The following APBB2 variants were observed in gnomAD, a reference collection of about 807,000 sequenced individuals.
The protein encoded by APBB2 is Fe65-like 1.
A neutral mutation model predicts 82.5 loss-of-function variants in APBB2; 38 were observed. The observed-to-expected ratio is 0.46, with a 90% CI of 0.36 to 0.60. APBB2 has a LOEUF of 0.60. Among genes scored for constraint, APBB2 ranks in the 20% least tolerant of loss-of-function variants. The pLI is 0.00. For missense variants in APBB2, 772 were observed against 972.3 expected, an observed-to-expected ratio of 0.79 and a Z score of 2.74; for synonymous variants, 341 against 368.2, an observed-to-expected ratio of 0.93 and a Z score of 0.85.
In APBB2 at chr4:40,830,553, A is replaced by T. The variant is rs749728842; in HGVS notation, c.1554T>A (p.Asp518Glu). ...GACATTTCAAAATTCTTGTATCTTT[A>T]TCTCTTGCTACATAAGCAAAATCCC... Reference protein sequence around the residue: ...NGRDFAYVARDKDTRILKCHV... With the variant: ...NGRDFAYVAREKDTRILKCHV... The change falls in exon 13 of 18, where the codon GAT becomes GAA. Residue 518 changes from aspartate to glutamate, a missense_variant. Coordinates refer to ENST00000508593, the MANE Select transcript of APBB2 (RefSeq NM_004307.2). 6.2e-7 allele frequency: 1 copy of T among 1,613,772 alleles called. No individual in the cohort carries two copies. The highest frequency in any genetic ancestry group is 8.5e-7 in the Non-Finnish European group (1 of 1,179,766).
intron 1 of APBB2, among the ~76,000 whole-genome samples, chr4:41,185,499 T>C (rs181637084): frequency 6.6e-6 from 1 of 152,376 alleles, no homozygotes; most frequent in East Asian, 1.9e-4. Context: ...GACACCTTTA[T>C]GTAATTCTTA....
intron 5 of APBB2, among the ~76,000 whole-genome samples, chr4:41,014,651 C>T (rs1318966654): frequency 6.6e-6 from 1 of 152,154 alleles, no homozygotes; most frequent in Non-Finnish European, 1.5e-5. Context: ...CTAAATTTTA[C>T]TTAAAATAAA....
At chr4:40,982,387 G>GAAAGGAAAGGAAAGGAAAGGA (rs57649213) in intron 6 of APBB2, among the ~76,000 whole-genome samples, 2 of 11,028 alleles carry the variant, frequency 1.8e-4, no homozygotes, top group Admixed American at 1.3e-3. Flanking sequence ...AGGAAGGAAG[G>GAAAGGAAAGGAAAGGAAAGGA]AAGGAAAGGA....
At chr4:40,909,012 G>C (rs1438187590) in intron 10 of APBB2, among the ~76,000 whole-genome samples, 3 of 152,192 alleles carry the variant, frequency 2.0e-5, no homozygotes, top group East Asian at 3.9e-4. Context: ...CTGTTTTCCA[G>C]AGGTGTAGCA....
chr4:41,061,480 C>G (rs545819818), intron 4 of APBB2, among the ~76,000 whole-genome samples: 32 of 152,292 alleles, frequency 2.1e-4, no homozygotes, highest in African/African-American at 6.3e-4. Context: ...TGTTACTGTA[C>G]TGAATACCGC....
chr4:40,854,431 CTCT>C (rs1236764345), intron 12 of APBB2, among the ~76,000 whole-genome samples: 29 of 152,200 alleles, frequency 1.9e-4, no homozygotes, highest in Non-Finnish European at 4.4e-5. Context: ...GTTAAGTCAT[CTCT>C]TAACACTCGG....
At position 40,820,930 on chromosome 4, in the gene APBB2, G is replaced by A. The variant is rs939270519; in HGVS notation, c.2112+941C>T. On this transcript the variant is annotated intron_variant, in intron 17 of 17. Transcript: ENST00000508593. ...GTTGCCCAGGCTGGAGTGCAATGAC[G>A]CGATCTCGGTTCACTGCAACCTCTG... Among the ~76,000 whole-genome samples, 13 of 152,026 alleles carry A rather than the reference G, an allele frequency of 8.6e-5. No homozygotes were observed. In the East Asian group the frequency reaches 2.3e-3, roughly 27 times the overall value.
chr4:40,833,443 C>A, intron 12 of APBB2, among the ~76,000 whole-genome samples: 1 of 152,218 alleles, frequency 6.6e-6, no homozygotes, highest in East Asian at 1.9e-4. Flanking sequence ...AGCGCACGCC[C>A]ATCTACTCAG....
At chr4:40,865,973 T>C (rs914632533) in intron 12 of APBB2, among the ~76,000 whole-genome samples, 1 of 152,246 alleles carries the variant, frequency 6.6e-6, no homozygotes, top group Non-Finnish European at 1.5e-5. Flanking sequence ...CTGGTGAGGA[T>C]GCGGAGCAAC....
chr4:40,830,544 T>C lies in APBB2; in HGVS notation c.1563A>G (p.Thr521=). The change falls in exon 13 of 18, where the codon ACA becomes ACG. Residue 521 remains threonine, a synonymous_variant. Coordinates refer to ENST00000508593, the MANE Select transcript of APBB2 (RefSeq NM_004307.2). Reference sequence around the variant, plus strand: ...GAAATACATGACATTTCAAAATTCTTGTATCTTTATCTCTTGCTACATAAG... The same window carrying C: ...GAAATACATGACATTTCAAAATTCTCGTATCTTTATCTCTTGCTACATAAG... ...DFAYVARDKD[T]RILKCHVFRC... is the part of the protein sequence containing the mutation. 6.2e-7 allele frequency: 1 copy of C among 1,614,118 alleles called. No individual in the cohort carries two copies.
At chr4:40,999,173 G>A (rs1182671290) in intron 6 of APBB2, among the ~76,000 whole-genome samples, 1 of 152,146 alleles carries the variant, frequency 6.6e-6, no homozygotes, top group African/African-American at 2.4e-5. Context: ...CTACTACTCT[G>A]CATCACACCT....
intron 4 of APBB2, among the ~76,000 whole-genome samples, chr4:41,037,538 C>T (rs900151427): frequency 1.3e-5 from 2 of 152,130 alleles, no homozygotes; most frequent in Non-Finnish European, 2.9e-5. Flanking sequence ...CAGAATAACA[C>T]AATCTTTGTT....
At chr4:40,914,504 A>G (rs562796629) in intron 10 of APBB2, among the ~76,000 whole-genome samples, 2 of 152,358 alleles carry the variant, frequency 1.3e-5, no homozygotes, top group East Asian at 3.9e-4. Context: ...GTGAGCCGAC[A>G]TCGCGCCATT....
At chr4:40,857,125 G>A in intron 12 of APBB2, 1 of 985,478 alleles carries the variant, frequency 1.0e-6, no homozygotes, top group Middle Eastern at 5.2e-4. Context: ...CGTCGCTCAA[G>A]CAGCCGCGCG....
intron 1 of APBB2, among the ~76,000 whole-genome samples, chr4:41,174,609 T>C (rs981528316): frequency 6.6e-6 from 1 of 152,104 alleles, no homozygotes; most frequent in Non-Finnish European, 1.5e-5. Flanking sequence ...TTTAGAAACA[T>C]ACAGAGCCAT....
intron 2 of APBB2, among the ~76,000 whole-genome samples, chr4:41,118,365 T>A (rs1453494675): frequency 6.6e-6 from 1 of 152,214 alleles, no homozygotes; most frequent in Non-Finnish European, 1.5e-5. Context: ...GTTCTGTGTC[T>A]TGACTTCAAT....
chr4:40,914,235 T>C lies in APBB2; in HGVS notation c.1254+20221A>G, dbSNP rs191559222. The stretch of plus-strand genomic sequence containing the variant: ...AATACAAAAAAAAATTAGCCAGGCA[T>C]GGTGGCAGGCGCCTATAGTCCCAGC... On this transcript the variant is annotated intron_variant, in intron 10 of 17. Transcript: ENST00000508593. Among the ~76,000 whole-genome samples the C allele has an allele frequency of 6.8e-4, 104 of 151,990 alleles. No homozygotes were observed. The East Asian group carries it at 0.016, about 23-fold the overall frequency.
chr4:40,872,631 C>T (rs1041519040), intron 12 of APBB2, among the ~76,000 whole-genome samples: 16 of 151,934 alleles, frequency 1.1e-4, no homozygotes, highest in Non-Finnish European at 2.2e-4. Context: ...TAGATGGGAT[C>T]AATAGAGGAA....
chr4:41,051,850 C>T lies in APBB2; in HGVS notation c.-51+13726G>A, dbSNP rs1726076508. Among the ~76,000 whole-genome samples the T allele has an allele frequency of 2.6e-5, 4 of 152,174 alleles. No individual in the cohort carries two copies. In the South Asian group the frequency reaches 8.3e-4, roughly 32 times the overall value. On this transcript the variant is annotated intron_variant, in intron 4 of 17. Coordinates refer to ENST00000508593, the MANE Select transcript of APBB2 (RefSeq NM_004307.2). ...GCCACCCCGGTTTGAATTCCATCTC[C>T]ACTGCTTCCTTTGAGTGTCTCTTTA... is the stretch of plus-strand genomic sequence containing the variant.
Sources: allele counts gnomAD v4.1 joint callset (sites outside exome capture counted in the v4.1 genomes callset), GRCh38; gene constraint gnomAD v4.1.1; transcripts MANE v1.5; gene names NCBI Gene and HGNC (gene_info 2026-07-23, HGNC 2026-07-21).